LPIN2: variants seen among roughly 807,000 people sequenced by gnomAD.
LPIN2 encodes lipin 2, also known as phosphatidate phosphatase LPIN2.
Under a neutral mutation model 111.4 loss-of-function variants are expected in LPIN2, and 55 were observed. The ratio of observed to expected loss-of-function variants is 0.49; its 90% CI spans 0.40 to 0.62. The LOEUF (loss-of-function observed/expected upper bound fraction) is 0.62, where lower values mean the gene tolerates loss of function less well. Ranked by LOEUF, LPIN2 falls within the 20% of genes least tolerant of loss-of-function variation. The pLI is 0.00. For synonymous variants in LPIN2, 425 were observed against 414.0 expected (o/e 1.03, Z -0.32); for missense variants, 992 against 1,112.1 (o/e 0.89, Z 1.54).
intron 1 of LPIN2, among the ~76,000 whole-genome samples, chr18:3,010,857 T>C (rs2078591190): frequency 6.6e-6 from 1 of 151,672 alleles, no homozygotes; most frequent in South Asian, 2.1e-4. Flanking sequence ...GTAATATTAA[T>C]AAAAGTAAAC....
intron 1 of LPIN2, among the ~76,000 whole-genome samples, chr18:2,965,151 A>G (rs1048566118): frequency 6.6e-6 from 1 of 152,188 alleles, no homozygotes; most frequent in Admixed American, 6.5e-5. Context: ...GTGAAGAAAA[A>G]AAAAAGCAGT....
chr18:3,009,650 A>G (rs988270894), intron 1 of LPIN2, among the ~76,000 whole-genome samples: 2 of 152,010 alleles, frequency 1.3e-5, no homozygotes, highest in African/African-American at 4.8e-5. Flanking sequence ...CACGTTGGCC[A>G]GGCTGGTCTC....
At chr18:2,976,799 T>C (rs1422396952) in intron 1 of LPIN2, among the ~76,000 whole-genome samples, 1 of 152,200 alleles carries the variant, frequency 6.6e-6, no homozygotes, top group East Asian at 1.9e-4. Context: ...TGGAAAATGA[T>C]ACTTCACCAT....
At chr18:2,973,494 A>C (rs879382316) in intron 1 of LPIN2, among the ~76,000 whole-genome samples, 2 of 152,230 alleles carry the variant, frequency 1.3e-5, no homozygotes, top group Non-Finnish European at 2.9e-5. Context: ...ACGTGACATT[A>C]ATCAATACTG....
At chr18:2,976,099 T>G (rs990407788) in intron 1 of LPIN2, among the ~76,000 whole-genome samples, 4 of 152,250 alleles carry the variant, frequency 2.6e-5, no homozygotes, top group African/African-American at 9.6e-5. Context: ...TGTTAAACTT[T>G]GCTCATCCCC....
chr18:2,958,158 C>CAAAAAAAAAAAAAA (rs1555678271), intron 2 of LPIN2, among the ~76,000 whole-genome samples: 2 of 35,352 alleles, frequency 5.7e-5, no homozygotes, highest in Non-Finnish European at 1.0e-4. Flanking sequence ...AAAAAAAAAA[C>CAAAAAAAAAAAAAA]AACAAAAAAA....
chr18:3,001,704 G>A (rs931668223), intron 1 of LPIN2, among the ~76,000 whole-genome samples: 3 of 152,026 alleles, frequency 2.0e-5, no homozygotes, highest in African/African-American at 2.4e-5. Context: ...CTTTTGCTAG[G>A]GAGCAGTAAT....
At position 2,920,311 on chromosome 18, in the gene LPIN2, G is replaced by A. The variant is rs1568503858; in HGVS notation, c.2673C>T (p.Asp891=). 1 of 1,614,136 alleles carries A rather than the reference G, an allele frequency of 6.2e-7. No homozygotes were observed. The highest frequency in any genetic ancestry group is 1.3e-5 in the African/African-American group (1 of 75,068). ...TGCCGCCTCAAGACAGGTCATCCAG[G>A]TCCACTTCAGGGATCGGGTCTCGCC... is the stretch of plus-strand genomic sequence containing the variant. ...CYWRDPIPEV[D]LDDLS is the part of the protein sequence containing the mutation. The change falls in exon 20 of 20, where the codon GAC becomes GAT. Residue 891 remains aspartate (D), a synonymous_variant. Coordinates refer to ENST00000677752, the MANE Select transcript of LPIN2 (RefSeq NM_001375808.2).
At chr18:2,974,150 A>C (rs2143315754) in intron 1 of LPIN2, among the ~76,000 whole-genome samples, 1 of 152,230 alleles carries the variant, frequency 6.6e-6, no homozygotes, top group African/African-American at 2.4e-5. Context: ...GCTGGAGTGC[A>C]GTGGTGCAAT....
chr18:2,964,178 G>A (rs775516727), intron 1 of LPIN2, among the ~76,000 whole-genome samples: 41 of 149,824 alleles, frequency 2.7e-4, no homozygotes, highest in Admixed American at 7.4e-4. Context: ...AGCTACTTGG[G>A]AGGCTGAGGC....
chr18:2,954,608 G>A lies in LPIN2; in HGVS notation c.193-9C>T, dbSNP rs1555677691. On this transcript the variant is annotated splice_polypyrimidine_tract_variant and intron_variant, in intron 2 of 19. Transcript: ENST00000677752. ...TTGATTTCTATATCAATCTATGGGA[G>A]AAACAAAGTATGACTTAATGTTCAA... is the stretch of plus-strand genomic sequence containing the variant. The A allele has an allele frequency of 1.9e-6, 3 of 1,568,786 alleles. No homozygotes were observed. The highest frequency in any genetic ancestry group is 2.7e-5 in the African/African-American group (2 of 74,124).
chr18:2,958,158 C>CAAAAAAAAAAAAAAAAAAA (rs1555678271), intron 2 of LPIN2, among the ~76,000 whole-genome samples: 3 of 35,352 alleles, frequency 8.5e-5, no homozygotes, highest in Non-Finnish European at 1.6e-4. Flanking sequence ...AAAAAAAAAA[C>CAAAAAAAAAAAAAAAAAAA]AACAAAAAAA....
rs887506281 is a variant in LPIN2, at chr18:2,957,250, T to C, written c.193-2651A>G. On this transcript the variant is annotated intron_variant, in intron 2 of 19. Transcript: ENST00000677752. ...CTTTTGGGAGTCTATTCATCCTGTT[T>C]CAAATCATATACAAGCTGAGTGTCT... 4.6e-5 allele frequency among the ~76,000 whole-genome samples: 7 copies of C among 152,180 alleles called. No individual in the cohort carries two copies. The South Asian group carries it at 8.3e-4, about 18-fold the overall frequency.
chr18:2,989,305 T>A lies in LPIN2; in HGVS notation c.-10+23782A>T, dbSNP rs550518852. Among the ~76,000 whole-genome samples the A allele has an allele frequency of 9.2e-5, 14 of 151,380 alleles. No homozygotes were observed. In the South Asian group the frequency reaches 1.5e-3, roughly 16 times the overall value. Reference sequence around the variant, plus strand: ...AAAATCTCAAACATTATGCAATGCATCTAAAAGAAAAAAAATGCCTAGGAA... The same window carrying A: ...AAAATCTCAAACATTATGCAATGCAACTAAAAGAAAAAAAATGCCTAGGAA... On this transcript the variant is annotated intron_variant, in intron 1 of 19. Transcript: ENST00000677752.
At chr18:2,938,344 T>C (rs1315709538) in intron 6 of LPIN2, among the ~76,000 whole-genome samples, 1 of 151,988 alleles carries the variant, frequency 6.6e-6, no homozygotes, top group Non-Finnish European at 1.5e-5. Flanking sequence ...GCCAACAGGA[T>C]GAAACCCTGT....
chr18:2,923,771 C>G lies in LPIN2; in HGVS notation c.2174+4G>C. 1 of 1,613,130 alleles carries G rather than the reference C, an allele frequency of 6.2e-7. No individual in the cohort carries two copies. Among genetic ancestry groups the G allele is most frequent in the Non-Finnish European group, 8.5e-7 (1 of 1,179,120 alleles). ...GAGCGAGTTAACGTGGGGAGGGTACCTACTCATTGATGGAATGGTAGAGCT... is the reference window on the plus strand; with the variant it reads ...GAGCGAGTTAACGTGGGGAGGGTACGTACTCATTGATGGAATGGTAGAGCT... On this transcript the variant is annotated splice_donor_region_variant and intron_variant, in intron 16 of 19. Transcript: ENST00000677752.
rs781016213 is a variant in LPIN2 at position 2,924,409 on chromosome 18, C to G, written c.2076G>C (p.Gly692=). The G allele has an allele frequency of 1.7e-5, 28 of 1,614,036 alleles. No homozygotes were observed. In the South Asian group the frequency reaches 2.6e-4, roughly 15 times the overall value. The change falls in exon 15 of 20, where the codon GGG becomes GGC. Residue 692 remains glycine (G), a synonymous_variant. Coordinates refer to ENST00000677752, the MANE Select transcript of LPIN2 (RefSeq NM_001375808.2). ...AGGATTGAGCTTACTTGGTTATTGT[C>G]CCATCAATATCAGAAATGATGATCT... The part of the protein sequence containing the change: ...NDKIIISDID[G]TITKSDALGQ...
At chr18:2,977,324 A>G (rs1333336264) in intron 1 of LPIN2, 2 of 152,348 alleles carry the variant, frequency 1.3e-5, no homozygotes, top group African/African-American at 4.8e-5. Context: ...GTTTTAAAGT[A>G]CATACACAGG....
intron 1 of LPIN2, among the ~76,000 whole-genome samples, chr18:2,986,191 A>C (rs936917835): frequency 2.6e-5 from 4 of 152,270 alleles, no homozygotes; most frequent in African/African-American, 9.6e-5. Flanking sequence ...TTCAAAACCA[A>C]GATAAAATTC....
Sources: gnomAD v4.1 joint callset for allele counts (sites outside exome capture counted in the v4.1 genomes callset) on GRCh38, gnomAD v4.1.1 for gene constraint, MANE v1.5 for transcripts, NCBI Gene and HGNC (gene_info 2026-07-23, HGNC 2026-07-21) for gene names.